Variants in SPATA17 observed in about 807,000 individuals in gnomAD.
SPATA17 encodes spermatogenesis-associated protein 17.
In SPATA17, 53 loss-of-function variants were observed where a neutral mutation model predicts 62.2. That is an observed-to-expected ratio of 0.85 (90% CI 0.68 to 1.07). SPATA17 has a LOEUF of 1.07. Among genes scored for constraint, SPATA17 ranks in the 50% least tolerant of loss-of-function variants. The pLI is 0.00. For synonymous variants in SPATA17, 146 were observed against 146.8 expected (o/e 0.99, Z 0.04); for missense variants, 466 against 425.5 (o/e 1.10, Z -0.84).
intron 9 of SPATA17, among the ~76,000 whole-genome samples, chr1:217,805,047 G>A (rs1458567815): frequency 6.6e-6 from 1 of 152,140 alleles, no homozygotes. Context: ...ATCAAAGGAA[G>A]TGAAATCCAT....
chr1:217,801,850 G>T lies in SPATA17; in HGVS notation c.1005G>T (p.Lys335Asn). 6.3e-7 allele frequency: 1 copy of T among 1,598,050 alleles called. No individual in the cohort carries two copies. Among genetic ancestry groups the T allele is most frequent in the South Asian group, 1.1e-5 (1 of 87,518 alleles). Reference protein sequence around the residue: ...SENPKKWICDKDFQTVLPSFE... With the variant: ...SENPKKWICDNDFQTVLPSFE... ...ATCCTAAGAAATGGATCTGTGACAA[G>T]GTGAGTTAACAAAACATTTTAAAAA... Residue 335 changes from lysine (K) to asparagine (N), a missense_variant and splice_region_variant, in exon 9 of 11, where the codon AAG (lysine) becomes AAT (asparagine). Physicochemically the swap from Lys to Asn is moderately conservative, Grantham distance 94. Coordinates refer to ENST00000366933, the MANE Select transcript of SPATA17 (RefSeq NM_138796.4).
chr1:217,827,600 C>G (rs150806699), intron 9 of SPATA17, among the ~76,000 whole-genome samples: 9 of 152,220 alleles, frequency 5.9e-5, no homozygotes, highest in Admixed American at 3.9e-4. Context: ...CATTGCAGCA[C>G]TACTCACAAT....
chr1:217,689,116 T>C (rs1423208280), intron 5 of SPATA17, among the ~76,000 whole-genome samples: 1 of 151,968 alleles, frequency 6.6e-6, no homozygotes, highest in African/African-American at 2.4e-5. Flanking sequence ...ATGTTGTGGA[T>C]ACAATGATTA....
intron 6 of SPATA17, among the ~76,000 whole-genome samples, chr1:217,758,957 T>C (rs1293111187): frequency 6.6e-6 from 1 of 152,066 alleles, no homozygotes; most frequent in Non-Finnish European, 1.5e-5. Flanking sequence ...TGAAGGTCAG[T>C]GGGCATGAAG....
chr1:217,687,719 G>A (rs868545605), intron 5 of SPATA17, among the ~76,000 whole-genome samples: 10 of 152,112 alleles, frequency 6.6e-5, no homozygotes, highest in African/African-American at 2.4e-4. Context: ...TGATGAAATT[G>A]CCTAAGGATG....
At chr1:217,772,962 T>A (rs1447385457) in intron 6 of SPATA17, among the ~76,000 whole-genome samples, 7 of 152,068 alleles carry the variant, frequency 4.6e-5, no homozygotes. Context: ...GGATGGGATG[T>A]TGCATTTGGG....
intron 4 of SPATA17, among the ~76,000 whole-genome samples, chr1:217,680,605 T>G (rs1671057136): frequency 6.6e-6 from 1 of 152,124 alleles, no homozygotes; most frequent in Non-Finnish European, 1.5e-5. Flanking sequence ...TTACATTAGT[T>G]TGCTATACTA....
At chr1:217,862,637 T>G in intron 9 of SPATA17, 137 bp from the exon 10 acceptor site, 1 of 626,874 alleles carries the variant, frequency 1.6e-6, no homozygotes. Flanking sequence ...GCTAATTTTG[T>G]TTTGAGAGTA....
At chr1:217,732,018 T>TAG (rs1672411900) in intron 5 of SPATA17, among the ~76,000 whole-genome samples, 2 of 152,120 alleles carry the variant, frequency 1.3e-5, no homozygotes. Context: ...CCTTTCCTTC[T>TAG]AAATCTATCC....
chr1:217,758,157 T>A (rs1571785503), intron 6 of SPATA17, among the ~76,000 whole-genome samples: 2 of 152,336 alleles, frequency 1.3e-5, no homozygotes, highest in East Asian at 1.9e-4. Flanking sequence ...AGTACTCTTA[T>A]AAGTGCTTTA....
chr1:217,722,406 T>C (rs1391894641), intron 5 of SPATA17, among the ~76,000 whole-genome samples: 1 of 152,024 alleles, frequency 6.6e-6, no homozygotes, highest in Non-Finnish European at 1.5e-5. Context: ...CACATTATTT[T>C]CTGTAACTTT....
chr1:217,635,248 C>A (rs114768385), intron 1 of SPATA17, among the ~76,000 whole-genome samples: 2,484 of 152,206 alleles, frequency 0.016, 78 homozygotes, highest in African/African-American at 0.057. Flanking sequence ...AAGGATGCAC[C>A]CATGACACAG....
chr1:217,649,733 CTT>C (rs34501876), intron 2 of SPATA17, among the ~76,000 whole-genome samples: 172 of 141,618 alleles, frequency 1.2e-3, no homozygotes, highest in East Asian at 4.6e-3. Context: ...CTCTTTCTCA[CTT>C]TTTTTTTTTT....
chr1:217,788,659 C>T (rs1299546413), intron 8 of SPATA17, among the ~76,000 whole-genome samples: 1 of 152,014 alleles, frequency 6.6e-6, no homozygotes, highest in East Asian at 1.9e-4. Context: ...ATGAGCACCA[C>T]GTCAAGGAAT....
At chr1:217,673,104 T>C (rs1293034329) in intron 4 of SPATA17, among the ~76,000 whole-genome samples, 1 of 152,184 alleles carries the variant, frequency 6.6e-6, no homozygotes, top group African/African-American at 2.4e-5. Flanking sequence ...TGCTGGGGGA[T>C]CTTTAAGCCT....
chr1:217,847,466 G>A (rs1675554429), intron 9 of SPATA17, among the ~76,000 whole-genome samples: 1 of 152,042 alleles, frequency 6.6e-6, no homozygotes. Context: ...CACTGGTTCA[G>A]AAAATAGAGC....
intron 1 of SPATA17, among the ~76,000 whole-genome samples, chr1:217,632,461 CAATG>C (rs1192109012): frequency 6.6e-6 from 1 of 152,130 alleles, no homozygotes; most frequent in Non-Finnish European, 1.5e-5. Context: ...GAAAATATGT[CAATG>C]AGATAGGGTC....
intron 9 of SPATA17, among the ~76,000 whole-genome samples, chr1:217,826,345 A>C (rs910347216): frequency 6.6e-6 from 1 of 152,122 alleles, no homozygotes; most frequent in African/African-American, 2.4e-5. Flanking sequence ...TGTAGGCCCA[A>C]ATATAGTCAC....
At chr1:217,701,752 G>A (rs913588408) in intron 5 of SPATA17, among the ~76,000 whole-genome samples, 1 of 151,930 alleles carries the variant, frequency 6.6e-6, no homozygotes, top group African/African-American at 2.4e-5. Context: ...ATTGGTGCTC[G>A]CATTATCTGA....
Sources: gnomAD v4.1 joint callset for allele counts (sites outside exome capture counted in the v4.1 genomes callset) on GRCh38, gnomAD v4.1.1 for gene constraint, MANE v1.5 for transcripts, NCBI Gene and HGNC (gene_info 2026-07-23, HGNC 2026-07-21) for gene names.